Variants in AKR1D1 observed in about 807,000 individuals in gnomAD.
AKR1D1 encodes delta(4)-3-ketosteroid 5-beta-reductase.
AKR1D1 carries 32 observed loss-of-function variants against 42.6 expected under a neutral mutation model. The ratio of observed to expected loss-of-function variants is 0.75; its 90% CI spans 0.57 to 1.01. The LOEUF is 1.01. Among genes scored for constraint, AKR1D1 ranks in the 50% least tolerant of loss-of-function variants. AKR1D1 has a pLI of 0.00. For missense variants in AKR1D1, 364 were observed against 402.2 expected (o/e 0.91, Z 0.81); for synonymous variants, 123 against 135.5 (o/e 0.91, Z 0.64).
intron 1 of AKR1D1, among the ~76,000 whole-genome samples, chr7:138,077,404 T>G (rs2117406145): frequency 6.6e-6 from 1 of 152,278 alleles, no homozygotes; most frequent in South Asian, 2.1e-4. Flanking sequence ...TCACTCACTA[T>G]CCTGAGAACA....
At chr7:138,107,394 G>A in intron 6 of AKR1D1, 21 bp from the exon 7 acceptor site, 1 of 1,612,608 alleles carries the variant, frequency 6.2e-7, no homozygotes, top group Non-Finnish European at 8.5e-7. Flanking sequence ...TAATTATGAT[G>A]CATGTTTTGA....
At chr7:138,095,352 A>T (rs190459281) in intron 3 of AKR1D1, among the ~76,000 whole-genome samples, 23 of 152,338 alleles carry the variant, frequency 1.5e-4, no homozygotes, top group Non-Finnish European at 2.5e-4. Context: ...CATGAATAAT[A>T]ATGTGGCATC....
At chr7:138,082,253 T>G (rs1803074232) in intron 1 of AKR1D1, among the ~76,000 whole-genome samples, 3 of 152,232 alleles carry the variant, frequency 2.0e-5, no homozygotes, top group Admixed American at 1.3e-4. Context: ...TTTGTTTTGT[T>G]TATAGAATTG....
chr7:138,097,271 T>C (rs1309433999), intron 3 of AKR1D1, among the ~76,000 whole-genome samples: 1 of 152,190 alleles, frequency 6.6e-6, no homozygotes, highest in Non-Finnish European at 1.5e-5. Flanking sequence ...TTAGGTTGAT[T>C]TCCCCAGAAG....
chr7:138,106,757 T>C, intron 6 of AKR1D1, 40 bp downstream of exon 6: 1 of 1,475,408 alleles, frequency 6.8e-7, no homozygotes, highest in African/African-American at 1.4e-5. Flanking sequence ...TGGTGTAGAG[T>C]GTGAGGCTCA....
At chr7:138,113,252 G>T (rs938075097) in intron 7 of AKR1D1, among the ~76,000 whole-genome samples, 1 of 151,796 alleles carries the variant, frequency 6.6e-6, no homozygotes, top group African/African-American at 2.4e-5. Context: ...GGAGGTGGAG[G>T]TTGCAGTGAG....
chr7:138,107,713 T>A, intron 7 of AKR1D1, 133 bp downstream of exon 7: 1 of 919,378 alleles, frequency 1.1e-6, no homozygotes, highest in Non-Finnish European at 1.7e-6. Flanking sequence ...TTGACCCATG[T>A]AGCCCATATC....
At chr7:138,077,890 G>A (rs1356833459) in intron 1 of AKR1D1, among the ~76,000 whole-genome samples, 1 of 152,178 alleles carries the variant, frequency 6.6e-6, no homozygotes, top group Non-Finnish European at 1.5e-5. Context: ...TAATGGTGAT[G>A]GCAGCTGAAT....
chr7:138,101,234 CTG>C (rs1794311180), intron 4 of AKR1D1, among the ~76,000 whole-genome samples: 1 of 131,562 alleles, frequency 7.6e-6, no homozygotes, highest in Non-Finnish European at 1.6e-5. Context: ...GAGTCTCGCT[CTG>C]TAGCCCAGGC....
intron 3 of AKR1D1, among the ~76,000 whole-genome samples, chr7:138,096,553 TA>T (rs1554391349): frequency 1.3e-5 from 2 of 152,144 alleles, no homozygotes; most frequent in Non-Finnish European, 2.9e-5. Flanking sequence ...ACACATGAAT[TA>T]GGGGGGACAC....
chr7:138,080,692 T>C (rs1803035512), intron 1 of AKR1D1, among the ~76,000 whole-genome samples: 1 of 152,224 alleles, frequency 6.6e-6, no homozygotes, highest in Admixed American at 6.5e-5. Context: ...CTGTGGGTTA[T>C]GCTCTTTGGA....
At chr7:138,116,557 T>C (rs879096512) in intron 8 of AKR1D1, 63 bp from the exon 9 acceptor site, 1 of 1,573,368 alleles carries the variant, frequency 6.4e-7, no homozygotes, top group Non-Finnish European at 8.7e-7. Flanking sequence ...AAGGATGCTA[T>C]TGAAACATAC....
chr7:138,084,270 T>TTC (rs1554389033), intron 1 of AKR1D1, among the ~76,000 whole-genome samples: 1 of 150,886 alleles, frequency 6.6e-6, no homozygotes, highest in African/African-American at 2.4e-5. Flanking sequence ...TTTTTTTTTT[T>TTC]TTCTTTTTTT....
intron 4 of AKR1D1, among the ~76,000 whole-genome samples, chr7:138,101,231 G>A (rs1251325478): frequency 8.0e-6 from 1 of 124,384 alleles, no homozygotes; most frequent in Non-Finnish European, 1.6e-5. Context: ...CACGAGTCTC[G>A]CTCTGTAGCC....
At chr7:138,082,448 G>A (rs532072646) in intron 1 of AKR1D1, among the ~76,000 whole-genome samples, 9 of 152,018 alleles carry the variant, frequency 5.9e-5, no homozygotes, top group African/African-American at 2.2e-4. Context: ...GCTCACTGAA[G>A]ATCTCACCTC....
Position 138,117,093 on chromosome 7 carries a change from A to T in AKR1D1, c.*431A>T. The T allele has an allele frequency of 3.0e-5, 5 of 166,580 alleles. No homozygotes were observed. The highest frequency in any genetic ancestry group is 5.8e-5 in the Admixed American group (1 of 17,272). The allele number at this position is 166,580 out of a possible 1,614,324, so 10.3% of individuals were successfully genotyped here. ...TGAGGCTTTGGACCATTGGTTACAA[A>T]ACAGACACAGCCAAGATAAGATCCA... On this transcript the variant is annotated 3_prime_UTR_variant, in exon 9 of 9. Transcript: ENST00000242375.
At chr7:138,092,687 T>C (rs1253149330) in intron 3 of AKR1D1, among the ~76,000 whole-genome samples, 1 of 152,218 alleles carries the variant, frequency 6.6e-6, no homozygotes, top group Non-Finnish European at 1.5e-5. Flanking sequence ...CATGTTACTA[T>C]TCTGAATACT....
At chr7:138,087,694 C>T (rs1001963604) in intron 1 of AKR1D1, among the ~76,000 whole-genome samples, 2 of 152,074 alleles carry the variant, frequency 1.3e-5, no homozygotes, top group African/African-American at 4.8e-5. Context: ...TCCCTCCTTC[C>T]ACCCATACTT....
In AKR1D1 at chr7:138,100,088, C is replaced by CAAAAAAAAAAAAAAAAAAAAAAAAAA. The variant is rs59361346; in HGVS notation, c.456+2150_456+2175dup. ...TGGGCAATATAGCGAGATTTCATCT[C>CAAAAAAAAAAAAAAAAAAAAAAAAAA]AAAAAAAAAAAAAAAAAAAAAAAAA... is the stretch of plus-strand genomic sequence containing the variant. On this transcript the variant is annotated intron_variant, in intron 4 of 8. Transcript: ENST00000242375. 6.0e-4 allele frequency among the ~76,000 whole-genome samples: 26 copies of CAAAAAAAAAAAAAAAAAAAAAAAAAA among 43,538 alleles called. 2 individuals carry two copies. The highest frequency in any genetic ancestry group is 9.0e-4 in the Admixed American group (2 of 2,234). The allele number at this position is 43,538 out of a possible 152,430, so 28.6% of individuals were successfully genotyped here.
Sources: gnomAD v4.1 joint callset for allele counts (sites outside exome capture counted in the v4.1 genomes callset) on GRCh38, gnomAD v4.1.1 for gene constraint, MANE v1.5 for transcripts, NCBI Gene and HGNC (gene_info 2026-07-23, HGNC 2026-07-21) for gene names.